Variants in SPAG16 observed in about 807,000 individuals in gnomAD.
The protein encoded by SPAG16 is sperm associated antigen 16.
SPAG16 carries 86 observed loss-of-function variants against 80.4 expected under a neutral mutation model. That is an observed-to-expected ratio of 1.07 (90% CI 0.90 to 1.28). The LOEUF (loss-of-function observed/expected upper bound fraction) is 1.28. Among genes scored for constraint, SPAG16 ranks in the 50% most tolerant of loss-of-function variants. SPAG16 has a pLI of 0.00. For synonymous variants in SPAG16, 294 were observed against 265.9 expected, an observed-to-expected ratio of 1.11 and a Z score of -1.03; for missense variants, 870 against 765.3, an observed-to-expected ratio of 1.14 and a Z score of -1.61.
intron 12 of SPAG16, among the ~76,000 whole-genome samples, chr2:213,956,205 C>T (rs1192171474): frequency 6.6e-6 from 1 of 151,696 alleles, no homozygotes; most frequent in Admixed American, 6.6e-5. Context: ...ATCTGCCCGC[C>T]TCGGCCTCCC....
At chr2:213,634,040 G>A (rs1378619283) in intron 10 of SPAG16, among the ~76,000 whole-genome samples, 2 of 152,088 alleles carry the variant, frequency 1.3e-5, no homozygotes, top group Non-Finnish European at 2.9e-5. Context: ...TTATTGATAA[G>A]TAAGGAATTA....
intron 15 of SPAG16, among the ~76,000 whole-genome samples, chr2:214,271,852 CA>C (rs145432073): frequency 0.16 from 22,411 of 140,438 alleles, 1,802 homozygotes; most frequent in Middle Eastern, 0.28. Flanking sequence ...ACCCCCCCCC[CA>C]AAAAAAAAGA....
intron 13 of SPAG16, among the ~76,000 whole-genome samples, chr2:214,023,325 A>G (rs900039080): frequency 6.6e-6 from 1 of 151,808 alleles, no homozygotes; most frequent in Non-Finnish European, 1.5e-5. Context: ...TTCCACCAAA[A>G]TGACTGACTG....
At chr2:213,663,452 G>C (rs971874682) in intron 10 of SPAG16, among the ~76,000 whole-genome samples, 3 of 152,062 alleles carry the variant, frequency 2.0e-5, no homozygotes, top group Non-Finnish European at 4.4e-5. Context: ...TGTAACACTA[G>C]CAAGTATGTT....
chr2:214,311,501 A>C (rs1695317413), intron 15 of SPAG16: 1 of 152,264 alleles, frequency 6.6e-6, no homozygotes, highest in African/African-American at 2.4e-5. Flanking sequence ...GAACCCCGAC[A>C]GTTTGGCTGT....
chr2:214,037,592 T>A (rs2048764923), intron 13 of SPAG16, among the ~76,000 whole-genome samples: 1 of 152,120 alleles, frequency 6.6e-6, no homozygotes, highest in Non-Finnish European at 1.5e-5. Context: ...ACTTGATTGA[T>A]CTTATATCAA....
intron 15 of SPAG16, among the ~76,000 whole-genome samples, chr2:214,235,303 T>C (rs1576561738): frequency 2.0e-5 from 3 of 152,146 alleles, no homozygotes; most frequent in East Asian, 3.8e-4. Flanking sequence ...ATGAGTCCAT[T>C]GAGTCCAAAC....
At chr2:214,330,117 A>G (rs1429297102) in intron 15 of SPAG16, among the ~76,000 whole-genome samples, 1 of 151,448 alleles carries the variant, frequency 6.6e-6, no homozygotes, top group Non-Finnish European at 1.5e-5. Context: ...AAATAGAAAA[A>G]AAAAAAAAAA....
chr2:214,050,409 C>T (rs2049579741), intron 13 of SPAG16, among the ~76,000 whole-genome samples: 1 of 152,064 alleles, frequency 6.6e-6, no homozygotes, highest in African/African-American at 2.4e-5. Flanking sequence ...TTCATCTGGC[C>T]CTTTCTGTAT....
intron 11 of SPAG16, among the ~76,000 whole-genome samples, chr2:213,912,235 AATG>A (rs1308523473): frequency 8.5e-5 from 13 of 152,276 alleles, no homozygotes; most frequent in African/African-American, 2.9e-4. Context: ...CTGAAAAAGA[AATG>A]ATATCAATAT....
At chr2:213,961,439 T>G (rs545858824) in intron 12 of SPAG16, among the ~76,000 whole-genome samples, 1 of 152,292 alleles carries the variant, frequency 6.6e-6, no homozygotes, top group Non-Finnish European at 1.5e-5. Flanking sequence ...CAATGTTGAA[T>G]AGAAGTGATT....
intron 14 of SPAG16, among the ~76,000 whole-genome samples, chr2:214,115,929 T>C (rs1049485513): frequency 4.0e-5 from 6 of 150,150 alleles, no homozygotes; most frequent in African/African-American, 1.5e-4. Context: ...ACAAGAATCC[T>C]GCACCCATCC....
chr2:213,715,840 C>T (rs1315112079), intron 10 of SPAG16, among the ~76,000 whole-genome samples: 1 of 152,084 alleles, frequency 6.6e-6, no homozygotes, highest in Non-Finnish European at 1.5e-5. Flanking sequence ...CTGTTAACTA[C>T]TGAAAAAACT....
At chr2:213,978,125 C>T (rs1365233307) in intron 12 of SPAG16, among the ~76,000 whole-genome samples, 3 of 151,616 alleles carry the variant, frequency 2.0e-5, no homozygotes, top group Non-Finnish European at 2.9e-5. Flanking sequence ...TCATTGGATT[C>T]TACTAATTCT....
At chr2:213,307,188 GT>G (rs537206078) in intron 3 of SPAG16, among the ~76,000 whole-genome samples, 2 of 150,672 alleles carry the variant, frequency 1.3e-5, no homozygotes, top group Non-Finnish European at 3.0e-5. Context: ...GTTGAATTTT[GT>G]TTTTTTTTAT....
At chr2:213,450,550 G>C (rs1292872483) in intron 9 of SPAG16, among the ~76,000 whole-genome samples, 2 of 152,226 alleles carry the variant, frequency 1.3e-5, no homozygotes, top group Middle Eastern at 3.4e-3. Flanking sequence ...TTTTTATGAA[G>C]TTATCTTCTT....
intron 10 of SPAG16, among the ~76,000 whole-genome samples, chr2:213,720,592 C>T (rs569787013): frequency 2.7e-5 from 4 of 149,764 alleles, no homozygotes; most frequent in Non-Finnish European, 4.4e-5. Flanking sequence ...GAGTGGAGAT[C>T]GCGCCACTGC....
intron 9 of SPAG16, among the ~76,000 whole-genome samples, chr2:213,457,580 T>C (rs2072099278): frequency 6.6e-6 from 1 of 152,184 alleles, no homozygotes; most frequent in South Asian, 2.1e-4. Flanking sequence ...TGGGTGTCCC[T>C]TTTCTTTTTT....
chr2:214,150,704 T>C (rs1333558986), intron 15 of SPAG16, among the ~76,000 whole-genome samples: 1 of 152,066 alleles, frequency 6.6e-6, no homozygotes, highest in Non-Finnish European at 1.5e-5. Context: ...ATAGTAGAAG[T>C]TAAAAGGTGC....
Sources: allele counts gnomAD v4.1 joint callset (sites outside exome capture counted in the v4.1 genomes callset), GRCh38; gene constraint gnomAD v4.1.1; transcripts MANE v1.5; gene names NCBI Gene and HGNC (gene_info 2026-07-23, HGNC 2026-07-21).